The following TMC1 variants were observed in gnomAD, a reference collection of about 807,000 sequenced individuals.
The protein encoded by TMC1 is transmembrane channel-like protein 1.
A neutral mutation model predicts 105.8 loss-of-function variants in TMC1; 84 were observed. That is an observed-to-expected ratio of 0.79 (90% CI 0.67 to 0.95). TMC1 has a LOEUF of 0.95. Among genes scored for constraint, TMC1 ranks in the 40% least tolerant of loss-of-function variants. The pLI is 0.00. For missense variants in TMC1, 817 were observed against 914.1 expected (o/e 0.89, Z 1.37); for synonymous variants, 315 against 311.5 (o/e 1.01, Z -0.12).
chr9:72,705,044 T>G (rs915680014), intron 8 of TMC1, among the ~76,000 whole-genome samples: 1 of 152,156 alleles, frequency 6.6e-6, no homozygotes, highest in Non-Finnish European at 1.5e-5. Context: ...AAATATCCAT[T>G]AATGAGAATA....
intron 19 of TMC1, chr9:72,818,591 A>G (rs1405577073): frequency 6.6e-6 from 1 of 152,164 alleles, no homozygotes; most frequent in Non-Finnish European, 1.5e-5. Context: ...AGTTGATCAG[A>G]TGTGAATAAT....
intron 1 of TMC1, among the ~76,000 whole-genome samples, chr9:72,545,947 G>A (rs912498432): frequency 3.7e-5 from 5 of 134,380 alleles, no homozygotes; most frequent in African/African-American, 1.5e-4. Context: ...AAATGTCATC[G>A]CTCAAAAAAA....
At chr9:72,700,483 A>G (rs201670881) in intron 7 of TMC1, 35 bp from the exon 8 acceptor site, 31 of 1,532,424 alleles carry the variant, frequency 2.0e-5, no homozygotes, top group Middle Eastern at 1.9e-4. Flanking sequence ...AGCAAAGCTT[A>G]ACTTTATTAA....
At chr9:72,713,980 T>C (rs531301541) in intron 8 of TMC1, among the ~76,000 whole-genome samples, 1 of 152,332 alleles carries the variant, frequency 6.6e-6, no homozygotes, top group East Asian at 1.9e-4. Context: ...TTTGTTCTCA[T>C]TGGCTTCAAA....
At chr9:72,602,654 C>T (rs145534042) in intron 2 of TMC1, among the ~76,000 whole-genome samples, 1 of 152,256 alleles carries the variant, frequency 6.6e-6, no homozygotes, top group Non-Finnish European at 1.5e-5. Flanking sequence ...GGATTATAGG[C>T]GTGAGCCACT....
chr9:72,706,877 C>CAGGTTT (rs1304907730), intron 8 of TMC1, among the ~76,000 whole-genome samples: 88 of 151,530 alleles, frequency 5.8e-4, no homozygotes, highest in African/African-American at 2.1e-3. Context: ...CAGGTTCAAG[C>CAGGTTT]GATTTTCCTG....
At chr9:72,617,121 C>A (rs118011583) in intron 3 of TMC1, among the ~76,000 whole-genome samples, 1 of 151,908 alleles carries the variant, frequency 6.6e-6, no homozygotes, top group East Asian at 1.9e-4. Flanking sequence ...ATATGAAAAA[C>A]GCTTATGCAG....
At chr9:72,622,916 G>A (rs948246711) in intron 3 of TMC1, among the ~76,000 whole-genome samples, 2 of 151,876 alleles carry the variant, frequency 1.3e-5, no homozygotes, top group African/African-American at 4.8e-5. Context: ...GCTGGGTGTG[G>A]TGGCGGGTGC....
At chr9:72,831,452 T>C (rs1402078193) in intron 23 of TMC1, among the ~76,000 whole-genome samples, 4 of 151,956 alleles carry the variant, frequency 2.6e-5, no homozygotes, top group Non-Finnish European at 5.9e-5. Flanking sequence ...TATTTTTTAA[T>C]TATACTTTAA....
chr9:72,799,105 G>A (rs904649003), intron 17 of TMC1, among the ~76,000 whole-genome samples: 12 of 151,762 alleles, frequency 7.9e-5, no homozygotes, highest in Non-Finnish European at 1.5e-4. Context: ...TTCAGATCTC[G>A]TATTTTTATA....
intron 12 of TMC1, among the ~76,000 whole-genome samples, chr9:72,771,509 T>C (rs1479992896): frequency 6.6e-6 from 1 of 152,196 alleles, no homozygotes; most frequent in Non-Finnish European, 1.5e-5. Flanking sequence ...CCAATTGGGT[T>C]TTCTAAGATT....
chr9:72,793,786 A>G (rs1252063592), intron 17 of TMC1, among the ~76,000 whole-genome samples: 3 of 152,228 alleles, frequency 2.0e-5, no homozygotes, highest in East Asian at 1.9e-4. Flanking sequence ...AAGTGACCAG[A>G]CTTTTACATG....
chr9:72,647,050 G>A (rs1180558451), intron 4 of TMC1, among the ~76,000 whole-genome samples: 1 of 149,884 alleles, frequency 6.7e-6, no homozygotes, highest in Non-Finnish European at 1.5e-5. Context: ...GCTGAGGCAG[G>A]AAAATTGCTT....
chr9:72,769,898 T>C (rs1827897914), intron 12 of TMC1, among the ~76,000 whole-genome samples: 2 of 152,172 alleles, frequency 1.3e-5, no homozygotes, highest in Non-Finnish European at 2.9e-5. Context: ...AGAGATTAAG[T>C]GTCTATACTT....
intron 15 of TMC1, 147 bp from the exon 16 acceptor site, chr9:72,791,739 A>G: frequency 1.4e-6 from 1 of 735,894 alleles, no homozygotes; most frequent in Non-Finnish European, 2.4e-6. Context: ...TTTTATTGAG[A>G]TCAAATTCTA....
chr9:72,568,046 G>A (rs1254978178), intron 1 of TMC1, among the ~76,000 whole-genome samples: 1 of 151,462 alleles, frequency 6.6e-6, no homozygotes, highest in Admixed American at 6.6e-5. Flanking sequence ...TGGAAAAGGA[G>A]GAGGGTGTGG....
intron 5 of TMC1, among the ~76,000 whole-genome samples, chr9:72,656,945 C>T (rs1460762116): frequency 6.6e-6 from 1 of 152,172 alleles, no homozygotes; most frequent in African/African-American, 2.4e-5. Context: ...GGTCTTTCTC[C>T]TCTGACTGGT....
intron 1 of TMC1, among the ~76,000 whole-genome samples, chr9:72,576,264 A>G (rs1392528744): frequency 6.6e-6 from 1 of 152,176 alleles, no homozygotes; most frequent in East Asian, 1.9e-4. Flanking sequence ...GTAAAAATAT[A>G]CTTGACCTCT....
intron 2 of TMC1, among the ~76,000 whole-genome samples, chr9:72,578,861 G>A (rs1296019251): frequency 6.6e-6 from 1 of 152,150 alleles, no homozygotes; most frequent in Non-Finnish European, 1.5e-5. Flanking sequence ...GGGGAAAGAA[G>A]AATAGAATGA....
Sources: gnomAD v4.1 joint callset for allele counts (sites outside exome capture counted in the v4.1 genomes callset) on GRCh38, gnomAD v4.1.1 for gene constraint, MANE v1.5 for transcripts, NCBI Gene and HGNC (gene_info 2026-07-23, HGNC 2026-07-21) for gene names.